XKR9: variants seen among roughly 807,000 people sequenced by gnomAD.
XKR9 encodes the protein XK-related protein 9.
Under a neutral mutation model 32.0 loss-of-function variants are expected in XKR9, and 32 were observed. That is an observed-to-expected ratio of 1.00 (90% CI 0.76 to 1.34). The LOEUF is 1.34. XKR9 is among the 40% of genes most tolerant of loss of function. XKR9 has a pLI of 0.00. For synonymous variants in XKR9, 168 were observed against 143.4 expected, an observed-to-expected ratio of 1.17 and a Z score of -1.22; for missense variants, 546 against 429.7, an observed-to-expected ratio of 1.27 and a Z score of -2.39.
intron 2 of XKR9, among the ~76,000 whole-genome samples, chr8:70,770,875 C>T (rs1807444888): frequency 1.3e-5 from 2 of 152,220 alleles, no homozygotes; most frequent in Non-Finnish European, 2.9e-5. Flanking sequence ...TGTTTAGCAA[C>T]ACCACTTGGC....
rs1018010745 is a variant in XKR9 at position 70,695,284 on chromosome 8, G to C, written c.273-11649G>C. Among the ~76,000 whole-genome samples the C allele has an allele frequency of 2.0e-5, 3 of 148,648 alleles. No individual in the cohort carries two copies. In the East Asian group the frequency reaches 5.9e-4, roughly 29 times the overall value. ...ACTGGTGTGCTGCACCCATTAACTC[G>C]TCATTTAGCATTAGGTATATCTCCT... On this transcript the variant is annotated intron_variant, in intron 3 of 4. Coordinates refer to ENST00000408926, the MANE Select transcript of XKR9 (RefSeq NM_001011720.2).
chr8:70,756,552 T>G (rs1266483813), intron 2 of XKR9, among the ~76,000 whole-genome samples: 2 of 152,238 alleles, frequency 1.3e-5, no homozygotes, highest in African/African-American at 4.8e-5. Context: ...AATGTTTTTA[T>G]AGATTTCAGA....
At chr8:70,776,714 G>A (rs751525789) in intron 2 of XKR9, among the ~76,000 whole-genome samples, 5 of 151,794 alleles carry the variant, frequency 3.3e-5, no homozygotes, top group Non-Finnish European at 7.4e-5. Flanking sequence ...CTCTCTTCAT[G>A]GCTGTCTCTC....
At chr8:70,802,094 G>A in the XKR9 span, among the ~76,000 whole-genome samples, 4 of 151,638 alleles carry the variant, frequency 2.6e-5, no homozygotes, top group Non-Finnish European at 5.9e-5. Context: ...CCACCACCAC[G>A]CCCGGCTATT....
chr8:70,690,545 C>T (rs1225129195), intron 3 of XKR9, among the ~76,000 whole-genome samples: 1 of 149,792 alleles, frequency 6.7e-6, no homozygotes, highest in Non-Finnish European at 1.5e-5. Flanking sequence ...GTGGGGGTCT[C>T]ACCATGTTGC....
chr8:70,818,637 T>C, the XKR9 span, among the ~76,000 whole-genome samples: 6 of 152,204 alleles, frequency 3.9e-5, no homozygotes, highest in Non-Finnish European at 7.3e-5. Context: ...GTATGCTTAG[T>C]ATAGTATTAT....
chr8:70,900,537 C>T, the XKR9 span, among the ~76,000 whole-genome samples: 3 of 151,580 alleles, frequency 2.0e-5, no homozygotes, highest in Non-Finnish European at 2.9e-5. Context: ...TGCAGTGAGC[C>T]GAGATCATGC....
At position 70,734,126 on chromosome 8, in the gene XKR9, T is replaced by A. The variant is rs74941166; in HGVS notation, c.824T>A (p.Phe275Tyr). The change falls in exon 5 of 5, where the codon TTT becomes TAT. Residue 275 changes from phenylalanine to tyrosine, a missense_variant. Physicochemically the swap from Phe to Tyr is conservative, Grantham distance 22. Coordinates refer to ENST00000408926, the MANE Select transcript of XKR9 (RefSeq NM_001011720.2). ...GTTGGATTCATTCTTATCTTTACAT[T>A]TTTTAATATTAAGGGACAGAATACC... ...IVVGFILIFT[F>Y]FNIKGQNTKC... is the part of the protein sequence containing the mutation. 9,823 of 1,612,444 alleles carry A rather than the reference T, an allele frequency of 6.1e-3. 81 individuals carry two copies. The highest frequency in any genetic ancestry group is 0.027 in the South Asian group (2,466 of 90,952).
chr8:70,950,467 G>T, the XKR9 span, among the ~76,000 whole-genome samples: 1 of 152,066 alleles, frequency 6.6e-6, no homozygotes, highest in Non-Finnish European at 1.5e-5. Context: ...GTCCGGCTCT[G>T]GGCAGAGCAT....
chr8:70,852,403 C>G, the XKR9 span, among the ~76,000 whole-genome samples: 1 of 152,054 alleles, frequency 6.6e-6, no homozygotes, highest in Non-Finnish European at 1.5e-5. Context: ...ACTAGAAATA[C>G]CTTTGGATAT....
At chr8:70,782,255 T>G (rs919038692) in intron 2 of XKR9, among the ~76,000 whole-genome samples, 1 of 152,204 alleles carries the variant, frequency 6.6e-6, no homozygotes, top group African/African-American at 2.4e-5. Context: ...CTGGTGTGCA[T>G]TTTATTTTTA....
the XKR9 span, among the ~76,000 whole-genome samples, chr8:70,810,660 A>C: frequency 1.3e-5 from 2 of 152,006 alleles, no homozygotes; most frequent in Non-Finnish European, 2.9e-5. Flanking sequence ...ATAAAACAGA[A>C]TTTAAACCCA....
the XKR9 span, among the ~76,000 whole-genome samples, chr8:70,849,043 A>G: frequency 6.6e-6 from 1 of 152,208 alleles, no homozygotes; most frequent in Non-Finnish European, 1.5e-5. Flanking sequence ...TCAACAAGAC[A>G]GAAAATTAAC....
At chr8:70,764,327 C>T (rs62532105) in intron 2 of XKR9, among the ~76,000 whole-genome samples, 11,040 of 152,230 alleles carry the variant, frequency 0.073, 472 homozygotes, top group Non-Finnish European at 0.089. Flanking sequence ...ACCTCTTTTA[C>T]TCTCAACATT....
At chr8:71,021,792 C>T in the XKR9 span, among the ~76,000 whole-genome samples, 8 of 152,146 alleles carry the variant, frequency 5.3e-5, no homozygotes, top group Non-Finnish European at 8.8e-5. Flanking sequence ...TGAGCCACCG[C>T]GCCCGGCCTG....
At chr8:70,737,072 T>G (rs1806876726), downstream of XKR9, among the ~76,000 whole-genome samples, 1 of 151,832 alleles carries the variant, frequency 6.6e-6, no homozygotes, top group South Asian at 2.1e-4. Context: ...ATGGCCATTT[T>G]CATGATATTG....
At chr8:71,026,718 T>C in the XKR9 span, among the ~76,000 whole-genome samples, 2 of 152,366 alleles carry the variant, frequency 1.3e-5, no homozygotes, top group Non-Finnish European at 2.9e-5. Flanking sequence ...CTTAAAATGA[T>C]ATTTATTATT....
the XKR9 span, among the ~76,000 whole-genome samples, chr8:71,038,641 T>C: frequency 4.0e-5 from 6 of 150,768 alleles, no homozygotes; most frequent in Admixed American, 3.3e-4. Flanking sequence ...AGTCATCTTA[T>C]ATAGTTGTCA....
intron 4 of XKR9, among the ~76,000 whole-genome samples, chr8:70,730,675 AC>A (rs1186849038): frequency 2.7e-4 from 41 of 152,282 alleles, no homozygotes; most frequent in Non-Finnish European, 2.5e-4. Context: ...GGGGAAGAAA[AC>A]CTTAATCTGT....
Sources: gnomAD v4.1 joint callset for allele counts (sites outside exome capture counted in the v4.1 genomes callset) on GRCh38, gnomAD v4.1.1 for gene constraint, MANE v1.5 for transcripts, NCBI Gene and HGNC (gene_info 2026-07-23, HGNC 2026-07-21) for gene names.